ZDHHC1: variants seen among roughly 807,000 people sequenced by gnomAD.
ZDHHC1 encodes zDHHC palmitoyltransferase 1.
ZDHHC1 carries 45 observed loss-of-function variants against 46.9 expected under a neutral mutation model. The ratio of observed to expected loss-of-function variants is 0.96; its 90% CI spans 0.76 to 1.23. The LOEUF (loss-of-function observed/expected upper bound fraction) is 1.23. Ranked by LOEUF, ZDHHC1 falls within the 50% of genes most tolerant of loss-of-function variation. The pLI is 0.00. For synonymous variants in ZDHHC1, 291 were observed against 286.0 expected, an observed-to-expected ratio of 1.02 and a Z score of -0.18; for missense variants, 649 against 670.8, an observed-to-expected ratio of 0.97 and a Z score of 0.36.
At position 67,406,097 on chromosome 16, in the gene ZDHHC1, C is replaced by T. The variant is rs907641079; in HGVS notation, c.252+103G>A. ...GGCCCACCCTGCTCCACTCTCCTGA[C>T]TGTGCTCCCCAAGGCTCTCAACCCG... is the stretch of plus-strand genomic sequence containing the variant. On this transcript the variant is annotated intron_variant, in intron 3 of 11. Transcript: ENST00000565726. The surrounding 1 kb of genome is among the most constrained non-coding windows in gnomAD (Gnocchi z 4.1). The T allele has an allele frequency of 3.4e-6, 5 of 1,466,116 alleles. No homozygotes were observed. The highest frequency in any genetic ancestry group is 2.5e-5 in the Admixed American group (1 of 40,028). 90.8% of individuals were successfully genotyped at this position (1,466,116 alleles called of 1,614,324 possible).
intron 4 of ZDHHC1, 122 bp downstream of exon 4, chr16:67,400,835 T>C: frequency 1.7e-6 from 2 of 1,178,578 alleles, no homozygotes; most frequent in Non-Finnish European, 2.4e-6. Context: ...CCATCAAGGT[T>C]CTTGACTGCA....
Position 67,395,143 on chromosome 16 carries a change from A to G in ZDHHC1, c.1104+44T>C, listed in dbSNP as rs759954254. 3 of 1,612,934 alleles carry G rather than the reference A, an allele frequency of 1.9e-6. No homozygotes were observed. The African/African-American group carries it at 4.0e-5, about 22-fold the overall frequency. On this transcript the variant is annotated intron_variant, in intron 10 of 11. Coordinates refer to ENST00000565726, the MANE Select transcript of ZDHHC1 (RefSeq NM_001323627.2). ...AGCGCCAGGGTAGAGGCTTCTTTCT[A>G]TCCCACTCCACCTGGACCGGAGGCC...
chr16:67,416,079 G>A (rs2040829704), intron 1 of ZDHHC1, 92 bp downstream of exon 1: 2 of 152,302 alleles, frequency 1.3e-5, no homozygotes, highest in African/African-American at 4.8e-5. Context: ...GCTCCAGGCG[G>A]AAGCGAGCCC....
intron 1 of ZDHHC1, among the ~76,000 whole-genome samples, chr16:67,409,253 G>GCTGATACTCCAAATCAGGATACCCC (rs1567522338): frequency 2.7e-5 from 4 of 150,816 alleles, no homozygotes; most frequent in South Asian, 2.1e-4. Flanking sequence ...CAGGATACCC[G>GCTGATACTCCAAATCAGGATACCCC]CTGATACTCC....
intron 3 of ZDHHC1, among the ~76,000 whole-genome samples, chr16:67,403,708 G>A (rs560580449): frequency 5.9e-5 from 9 of 151,956 alleles, no homozygotes; most frequent in South Asian, 2.1e-4. Flanking sequence ...CCCCCGACCC[G>A]GGTTCAAGCG....
intron 4 of ZDHHC1, among the ~76,000 whole-genome samples, chr16:67,400,048 G>C (rs2142234526): frequency 6.6e-6 from 1 of 152,370 alleles, no homozygotes; most frequent in South Asian, 2.1e-4. Flanking sequence ...GAGGCACCGG[G>C]GAAGGCCCAA....
intron 8 of ZDHHC1, 150 bp from the exon 9 acceptor site, chr16:67,395,716 TC>T (rs1390220229): frequency 2.6e-6 from 2 of 762,156 alleles, no homozygotes; most frequent in Non-Finnish European, 2.1e-6. Flanking sequence ...GAAAACCCCA[TC>T]TGTAGGGTAA....
chr16:67,395,257 C>G lies in ZDHHC1; in HGVS notation c.1034G>C (p.Arg345Pro). 1 of 1,578,054 alleles carries G rather than the reference C, an allele frequency of 6.3e-7. No individual in the cohort carries two copies. Among genetic ancestry groups the G allele is most frequent in the Non-Finnish European group, 8.6e-7 (1 of 1,161,218 alleles). Residue 345 changes from arginine to proline, a missense_variant, in exon 10 of 12, where the codon CGT becomes CCT. Transcript: ENST00000565726. ...NANPSQFLATRGQAEPPPPSS... is the reference protein window; with the variant it reads ...NANPSQFLATPGQAEPPPPSS... ...GGGTGGTGGAGGTTCCGCTTGGCCA[C>G]GGGTGGCAAGAAACTGGGAGGGACT...
chr16:67,405,512 G>A (rs1179515425), intron 3 of ZDHHC1, among the ~76,000 whole-genome samples: 1 of 152,212 alleles, frequency 6.6e-6, no homozygotes, highest in African/African-American at 2.4e-5. Flanking sequence ...GGAGCACAGA[G>A]ATGCCTGCTT....
chr16:67,395,618 C>A, intron 8 of ZDHHC1, 52 bp from the exon 9 acceptor site: 1 of 1,522,950 alleles, frequency 6.6e-7, no homozygotes, highest in African/African-American at 1.4e-5. Flanking sequence ...GGCTCCCGAG[C>A]CTGCTGAGCC....
chr16:67,394,781 CA>C lies in ZDHHC1; in HGVS notation c.1277del (p.Val426GlyfsTer39), dbSNP rs2040385596. On this transcript the variant is annotated frameshift_variant, in exon 12 of 12. Transcript: ENST00000565726. LOFTEE classifies it low-confidence loss of function (END_TRUNC). ...GCGTCTGCGCCACTGGAATCTCGTCCACGGACTCTGCCGACGCCGAGTGGTA... is the reference window on the plus strand; with the variant it reads ...GCGTCTGCGCCACTGGAATCTCGTCCCGGACTCTGCCGACGCCGAGTGGTA... Reference protein sequence around the residue: ...GAYHSASAESVDEIPVAQTRL... With the variant: ...GAYHSASAESXDEIPVAQTRL... 2 of 1,533,072 alleles carry C rather than the reference CA, an allele frequency of 1.3e-6. No homozygotes were observed. The highest frequency in any genetic ancestry group is 1.7e-6 in the Non-Finnish European group (2 of 1,145,066). The allele number at this position is 1,533,072 out of a possible 1,614,324, so 95.0% of individuals were successfully genotyped here. A position where few individuals can be genotyped will look rare whatever the true frequency, so the allele number is the denominator to read the frequency against.
chr16:67,399,464 G>C lies in ZDHHC1; in HGVS notation c.429-8C>G. 1.2e-6 allele frequency: 2 copies of C among 1,606,166 alleles called. No homozygotes were observed. The highest frequency in any genetic ancestry group is 1.7e-6 in the Non-Finnish European group (2 of 1,175,148). On this transcript the variant is annotated splice_polypyrimidine_tract_variant and splice_region_variant and intron_variant, in intron 4 of 11. Transcript: ENST00000565726. ...TGCTTGGAGCGAGCGCTCCTGCAGG[G>C]AGAGGGGGCACAGCGCGATTGGCCG... is the stretch of plus-strand genomic sequence containing the variant.
At chr16:67,410,698 C>A (rs1249106528) in intron 1 of ZDHHC1, among the ~76,000 whole-genome samples, 1 of 151,340 alleles carries the variant, frequency 6.6e-6, no homozygotes, top group African/African-American at 2.4e-5. Context: ...CTGAGTCTCA[C>A]TCTGTCGCTC....
intron 1 of ZDHHC1, among the ~76,000 whole-genome samples, chr16:67,409,514 G>A (rs914047620): frequency 6.6e-6 from 1 of 152,238 alleles, no homozygotes; most frequent in African/African-American, 2.4e-5. Context: ...GGCATGCCCA[G>A]GCCAGCCCAC....
rs750477709 is a variant in ZDHHC1, at chr16:67,406,363, G to A, written c.89C>T (p.Pro30Leu). The part of the protein sequence containing the change: ...VWTAPAQPSG[P>L]SPELQGQRSR... ...TCGCTGGCCCTGCAGCTCAGGGGAGGGTCCGCTGGGCTGTGCCGGTGCCGT... is the reference window on the plus strand; with the variant it reads ...TCGCTGGCCCTGCAGCTCAGGGGAGAGTCCGCTGGGCTGTGCCGGTGCCGT... The change falls in exon 3 of 12, where the codon CCC becomes CTC. Residue 30 changes from proline to leucine, a missense_variant. Transcript: ENST00000565726. This position sits in a 1 kb window ranked among gnomAD's most constrained non-coding sequence, Gnocchi z 4.1. 5 of 1,584,270 alleles carry A rather than the reference G, an allele frequency of 3.2e-6. No individual in the cohort carries two copies. The East Asian group carries it at 6.9e-5, about 22-fold the overall frequency.
At chr16:67,399,607 T>C (rs2040508616) in intron 4 of ZDHHC1, 151 bp from the exon 5 acceptor site, 2 of 591,424 alleles carry the variant, frequency 3.4e-6, no homozygotes, top group Admixed American at 3.4e-5. Flanking sequence ...GCGCGCCCTC[T>C]GCAGGCGCTG....
Position 67,406,396 on chromosome 16 carries a change from C to A in ZDHHC1, c.56G>T (p.Ser19Ile). 6.3e-7 allele frequency: 1 copy of A among 1,576,196 alleles called. No homozygotes were observed. ...KPSNKTAPEK[S>I]VWTAPAQPSG... ...GGGCTGTGCCGGTGCCGTCCACACA[C>A]TCTTCTCAGGGGCCGTCTTGTTGGA... The change falls in exon 3 of 12, where the codon AGT becomes ATT. Residue 19 changes from serine to isoleucine, a missense_variant. By Grantham distance (142) the Ser-to-Ile change is moderately radical. Coordinates refer to ENST00000565726, the MANE Select transcript of ZDHHC1 (RefSeq NM_001323627.2). This position sits in a 1 kb window ranked among gnomAD's most constrained non-coding sequence, Gnocchi z 4.1.
chr16:67,399,968 T>C (rs1201268383), intron 4 of ZDHHC1, among the ~76,000 whole-genome samples: 8 of 152,144 alleles, frequency 5.3e-5, no homozygotes, highest in Admixed American at 3.9e-4. Context: ...GCAAAAGAAG[T>C]GCAGGCTGCC....
chr16:67,400,681 T>C (rs1393261244), intron 4 of ZDHHC1, among the ~76,000 whole-genome samples: 1 of 152,234 alleles, frequency 6.6e-6, no homozygotes, highest in African/African-American at 2.4e-5. Context: ...TGGCGAGAGA[T>C]GTGAGGGTGT....
Sources: gnomAD v4.1 joint callset for allele counts (sites outside exome capture counted in the v4.1 genomes callset) on GRCh38, gnomAD v4.1.1 for gene constraint, Gnocchi (gnomAD v3.1) non-coding constraint, MANE v1.5 for transcripts, NCBI Gene and HGNC (gene_info 2026-07-23, HGNC 2026-07-21) for gene names.